The following NFAT5 variants were observed in gnomAD, a reference collection of about 807,000 sequenced individuals.
The protein encoded by NFAT5 is nuclear factor of activated T cells 5.
A neutral mutation model predicts 166.5 loss-of-function variants in NFAT5; 31 were observed. That is an observed-to-expected ratio of 0.19 (90% confidence interval 0.14 to 0.25). The LOEUF (loss-of-function observed/expected upper bound fraction) is 0.25, where lower values mean the gene tolerates loss of function less well. NFAT5 is among the 10% of genes least tolerant of loss of function. NFAT5 has a pLI of 1.00. For synonymous variants in NFAT5, 612 were observed against 639.7 expected, an observed-to-expected ratio of 0.96 and a Z score of 0.65; for missense variants, 1,449 against 1,821.8, an observed-to-expected ratio of 0.80 and a Z score of 3.72.
At chr16:69,669,177 G>A (rs2036525879) in intron 7 of NFAT5, among the ~76,000 whole-genome samples, 1 of 152,166 alleles carries the variant, frequency 6.6e-6, no homozygotes, top group Non-Finnish European at 1.5e-5. Flanking sequence ...TTACAGGTGT[G>A]AACCACTGCA....
chr16:69,684,176 T>C (rs910165452), intron 10 of NFAT5, among the ~76,000 whole-genome samples: 1 of 150,514 alleles, frequency 6.6e-6, no homozygotes, highest in Non-Finnish European at 1.5e-5. Flanking sequence ...GGAGAATCAC[T>C]TGAACCTGGG....
chr16:69,635,141 G>A (rs908285823), intron 3 of NFAT5, among the ~76,000 whole-genome samples: 3 of 149,748 alleles, frequency 2.0e-5, no homozygotes, highest in African/African-American at 7.4e-5. Context: ...CTCCCAAGTA[G>A]CTGGGATTAC....
chr16:69,662,714 C>CCGA (rs2036205920), intron 7 of NFAT5, among the ~76,000 whole-genome samples: 1 of 151,968 alleles, frequency 6.6e-6, no homozygotes, highest in Non-Finnish European at 1.5e-5. Flanking sequence ...CCTGCCTCGG[C>CCGA]CTCCCAAAGT....
chr16:69,604,599 G>T lies in NFAT5; in HGVS notation c.128-21804G>T, dbSNP rs534292588. On this transcript the variant is annotated intron_variant, in intron 2 of 14. Coordinates refer to ENST00000349945, the MANE Select transcript of NFAT5 (RefSeq NM_138713.4). ...TCTTTTTTAAAAATTTTTTATTGCG[G>T]TGAACTGCACAATAAATCAATCATT... 3.9e-5 allele frequency among the ~76,000 whole-genome samples: 6 copies of T among 152,070 alleles called. No homozygotes were observed. The East Asian group carries it at 1.2e-3, about 29-fold the overall frequency.
chr16:69,623,815 T>C (rs116102453), intron 2 of NFAT5, among the ~76,000 whole-genome samples: 1,464 of 142,570 alleles, frequency 0.01, 32 homozygotes, highest in African/African-American at 0.037. Context: ...CCTCAAGTCT[T>C]TTTTTTTCTT....
At chr16:69,649,416 T>A (rs2035579368) in intron 4 of NFAT5, 1 of 984,214 alleles carries the variant, frequency 1.0e-6, no homozygotes, top group Non-Finnish European at 1.2e-6. Context: ...CCTTCATTTT[T>A]CTGCTTCTAC....
At chr16:69,652,741 T>G (rs958580586) in intron 4 of NFAT5, among the ~76,000 whole-genome samples, 6 of 127,442 alleles carry the variant, frequency 4.7e-5, no homozygotes, top group African/African-American at 9.2e-5. Context: ...GTAGGGTTTT[T>G]GGGGGTTTGT....
chr16:69,677,915 G>A (rs1355891616), intron 10 of NFAT5, among the ~76,000 whole-genome samples: 3 of 152,036 alleles, frequency 2.0e-5, no homozygotes, highest in African/African-American at 7.2e-5. Context: ...CACTTTGGGA[G>A]GCCGAGGCGG....
Position 69,694,012 on chromosome 16 carries a change from C to T in NFAT5, c.4187C>T (p.Pro1396Leu), listed in dbSNP as rs1429388420. 1.2e-6 allele frequency: 2 copies of T among 1,614,184 alleles called. No homozygotes were observed. Among genetic ancestry groups the T allele is most frequent in the Admixed American group, 3.3e-5 (2 of 60,024 alleles). ...CAGCAAGTAACTCTCTTCTTATCTC[C>T]AGCATCCATGTCTGCCTTGCAGACC... ...QEQQVTLFLSPASMSALQTSI... is the reference protein window; with the variant it reads ...QEQQVTLFLSLASMSALQTSI... Residue 1396 changes from proline (P) to leucine (L), a missense_variant, in exon 13 of 15, where the codon CCA becomes CTA. Physicochemically the swap from Pro to Leu is moderately conservative, Grantham distance 98. Transcript: ENST00000349945.
chr16:69,616,417 T>G (rs1597405085), intron 2 of NFAT5, among the ~76,000 whole-genome samples: 1 of 152,222 alleles, frequency 6.6e-6, no homozygotes, highest in Non-Finnish European at 1.5e-5. Context: ...CTCCTCACCC[T>G]TCTCTGGCTC....
intron 11 of NFAT5, among the ~76,000 whole-genome samples, chr16:69,688,474 C>G (rs1167689036): frequency 6.6e-6 from 1 of 152,054 alleles, no homozygotes. Context: ...CCTCTGCCTC[C>G]TGGGTTCCAG....
chr16:69,673,616 G>A (rs1434158845), intron 9 of NFAT5, among the ~76,000 whole-genome samples: 1 of 152,006 alleles, frequency 6.6e-6, no homozygotes, highest in Non-Finnish European at 1.5e-5. Context: ...CCAGCTACTT[G>A]GGAGGCTGAG....
At chr16:69,623,655 GCAC>G (rs1383533561) in intron 2 of NFAT5, among the ~76,000 whole-genome samples, 1 of 151,860 alleles carries the variant, frequency 6.6e-6, no homozygotes, top group Non-Finnish European at 1.5e-5. Context: ...TTACAGGCAT[GCAC>G]CACCATGTCC....
At chr16:69,634,479 T>C (rs972922846) in intron 3 of NFAT5, among the ~76,000 whole-genome samples, 4 of 152,198 alleles carry the variant, frequency 2.6e-5, no homozygotes, top group African/African-American at 9.7e-5. Context: ...GATGGATTTA[T>C]ATTTGGCATA....
At position 69,566,451 on chromosome 16, in the gene NFAT5, G is replaced by A; in HGVS notation, c.73+77G>A. On this transcript the variant is annotated intron_variant, in intron 1 of 14. Transcript: ENST00000349945. This position sits in a 1 kb window ranked among gnomAD's most constrained non-coding sequence, Gnocchi z 5.7. Reference sequence around the variant, plus strand: ...GGGAGACAGGGCCAGGGGAGGCGAGGGGTCCCCGTCCCGCCGGGGGCGGCT... The same window carrying A: ...GGGAGACAGGGCCAGGGGAGGCGAGAGGTCCCCGTCCCGCCGGGGGCGGCT... 1 of 1,308,280 alleles carries A rather than the reference G, an allele frequency of 7.6e-7. No individual in the cohort carries two copies. The highest frequency in any genetic ancestry group is 1.1e-6 in the Non-Finnish European group (1 of 933,544). 81.0% of individuals were successfully genotyped at this position (1,308,280 alleles called of 1,614,324 possible).
intron 2 of NFAT5, among the ~76,000 whole-genome samples, chr16:69,620,961 T>A (rs1413809482): frequency 1.3e-5 from 2 of 152,260 alleles, no homozygotes; most frequent in Non-Finnish European, 2.9e-5. Flanking sequence ...GGTACTGTTG[T>A]TTAGAAGTCA....
At chr16:69,629,723 T>C (rs2034622735) in intron 3 of NFAT5, among the ~76,000 whole-genome samples, 1 of 150,082 alleles carries the variant, frequency 6.7e-6, no homozygotes. Flanking sequence ...CAAGTGATCC[T>C]CCCACCTCAT....
At chr16:69,611,349 T>C (rs1277690097) in intron 2 of NFAT5, among the ~76,000 whole-genome samples, 1 of 152,200 alleles carries the variant, frequency 6.6e-6, no homozygotes, top group Non-Finnish European at 1.5e-5. Flanking sequence ...TGAATGTATG[T>C]TGACATTTTT....
At chr16:69,644,941 A>G (rs952398579) in intron 3 of NFAT5, 1 of 418,636 alleles carries the variant, frequency 2.4e-6, no homozygotes, top group Non-Finnish European at 4.8e-6. Context: ...TGCATGCTGC[A>G]TACTTGTATG....
Sources: gnomAD v4.1 joint callset for allele counts (sites outside exome capture counted in the v4.1 genomes callset) on GRCh38, gnomAD v4.1.1 for gene constraint, Gnocchi (gnomAD v3.1) non-coding constraint, MANE v1.5 for transcripts, NCBI Gene and HGNC (gene_info 2026-07-23, HGNC 2026-07-21) for gene names.